NLRP13: variants seen among roughly 807,000 people sequenced by gnomAD.
NLRP13 encodes NACHT, LRR and PYD domains-containing protein 13.
In NLRP13, 82 loss-of-function variants were observed where a neutral mutation model predicts 94.4. That is an observed-to-expected ratio of 0.87 (90% CI 0.73 to 1.04). The LOEUF is 1.04. NLRP13 is among the 50% of genes least tolerant of loss of function. The pLI, the probability that NLRP13 is intolerant of heterozygous loss-of-function variation, is 0.00. For synonymous variants in NLRP13, 553 were observed against 464.7 expected (o/e 1.19, Z -2.45); for missense variants, 1,426 against 1,230.8 (o/e 1.16, Z -2.37).
At chr19:55,906,128 A>C (rs755803031) in intron 7 of NLRP13, among the ~76,000 whole-genome samples, 1 of 152,094 alleles carries the variant, frequency 6.6e-6, no homozygotes, top group Non-Finnish European at 1.5e-5. Context: ...ACCTGAGTTC[A>C]GGAGTTCGAG....
intron 1 of NLRP13, among the ~76,000 whole-genome samples, chr19:55,931,335 T>C (rs1481304314): frequency 1.3e-5 from 2 of 152,066 alleles, no homozygotes; most frequent in South Asian, 2.1e-4. Context: ...GGCAAAACCA[T>C]GCATAAGCTA....
chr19:55,915,781 C>A (rs1044848052), intron 4 of NLRP13, among the ~76,000 whole-genome samples: 1 of 152,112 alleles, frequency 6.6e-6, no homozygotes. Flanking sequence ...TTCACTCCCA[C>A]CCCTCCATGG....
intron 5 of NLRP13, 92 bp downstream of exon 5, chr19:55,911,614 C>G (rs545278485): frequency 4.0e-6 from 5 of 1,240,042 alleles, no homozygotes; most frequent in Non-Finnish European, 5.6e-6. Context: ...GAATACATAA[C>G]GACAACACAT....
chr19:55,920,147 A>G (rs1986783076), intron 4 of NLRP13, among the ~76,000 whole-genome samples: 1 of 152,160 alleles, frequency 6.6e-6, no homozygotes, highest in South Asian at 2.1e-4. Context: ...ATAAAACTGG[A>G]CCATATCTCT....
chr19:55,901,385 T>C (rs1421392177), intron 9 of NLRP13, among the ~76,000 whole-genome samples: 2 of 152,082 alleles, frequency 1.3e-5, no homozygotes, highest in East Asian at 1.9e-4. Flanking sequence ...TTTTCTTAGA[T>C]AATGTGGGCA....
rs761392659 is a variant in NLRP13 at position 55,912,401 on chromosome 19, T to G, written c.1416A>C (p.Ala472=). Residue 472 remains alanine (A), a synonymous_variant, in exon 5 of 11, where the codon GCA becomes GCC. Coordinates refer to ENST00000342929, the MANE Select transcript of NLRP13 (RefSeq NM_176810.2). ...TCCATTGTCCTGGCCAGCTGTCATC[T>G]GCCAAATCTACCTCTGCTGTGGAGA... ...NLFSTAEVDL[A]DDSWPGQWRA... 6.2e-7 allele frequency: 1 copy of G among 1,614,180 alleles called. No individual in the cohort carries two copies. Among genetic ancestry groups the G allele is most frequent in the South Asian group, 1.1e-5 (1 of 91,084 alleles).
rs1345500134 is a variant in NLRP13 at position 55,912,393 on chromosome 19, C to G, written c.1424G>C (p.Ser475Thr). 6.2e-7 allele frequency: 1 copy of G among 1,614,136 alleles called. No individual in the cohort carries two copies. Among genetic ancestry groups the G allele is most frequent in the African/African-American group, 1.3e-5 (1 of 75,034 alleles). ...GAGGGCCCTCCATTGTCCTGGCCAG[C>G]TGTCATCTGCCAAATCTACCTCTGC... is the stretch of plus-strand genomic sequence containing the variant. ...STAEVDLADD[S>T]WPGQWRALCS... The change falls in exon 5 of 11, where the codon AGC becomes ACC. Residue 475 changes from serine to threonine, a missense_variant. Transcript: ENST00000342929.
At chr19:55,893,606 C>T (rs144551677), downstream of NLRP13, among the ~76,000 whole-genome samples, 35 of 152,192 alleles carry the variant, frequency 2.3e-4, 1 homozygote, top group East Asian at 5.0e-3. Context: ...AGAAAAGGCA[C>T]AACCACAAAG....
At chr19:55,895,341 A>C (rs1414346441), downstream of NLRP13, among the ~76,000 whole-genome samples, 1 of 152,258 alleles carries the variant, frequency 6.6e-6, no homozygotes, top group East Asian at 1.9e-4. Flanking sequence ...AGATTGCGCC[A>C]CTGCACTCCA....
chr19:55,931,242 C>T (rs920675210), intron 1 of NLRP13, among the ~76,000 whole-genome samples: 2 of 152,026 alleles, frequency 1.3e-5, no homozygotes, highest in East Asian at 1.9e-4. Flanking sequence ...TACAATCCTA[C>T]ATGGCTCTGC....
At position 55,911,774 on chromosome 19, in the gene NLRP13, A is replaced by G. The variant is rs1339178546; in HGVS notation, c.2043T>C (p.Cys681=). 6.2e-7 allele frequency: 1 copy of G among 1,613,828 alleles called. No homozygotes were observed. Among genetic ancestry groups the G allele is most frequent in the African/African-American group, 1.3e-5 (1 of 74,928 alleles). ...LQASSFCLKH[C]KRLNKLRLSV... ...AAAGCCTTAGCTTATTTAACCTTTT[A>G]CAGTGCTTTAGGCAAAATGAAGAAG... Residue 681 remains cysteine, a synonymous_variant, in exon 5 of 11, where the codon TGT becomes TGC. Transcript: ENST00000342929.
chr19:55,913,008 C>T lies in NLRP13; in HGVS notation c.809G>A (p.Cys270Tyr). The T allele has an allele frequency of 6.2e-7, 1 of 1,614,154 alleles. No individual in the cohort carries two copies. The highest frequency in any genetic ancestry group is 1.1e-5 in the South Asian group (1 of 91,088). The change falls in exon 5 of 11, where the codon TGC (cysteine) becomes TAC (tyrosine). Residue 270 changes from cysteine to tyrosine, a missense_variant. Physicochemically the swap from Cys to Tyr is radical, Grantham distance 194. Coordinates refer to ENST00000342929, the MANE Select transcript of NLRP13 (RefSeq NM_176810.2). ...QRFSYVFYLS[C>Y]HKIRYMKETT... ...TTCCTTCATGTACCTTATTTTATGG[C>T]AGCTGAGATAGAAAACATAGGAGAA...
chr19:55,931,383 C>G (rs1445951482), intron 1 of NLRP13, among the ~76,000 whole-genome samples: 8 of 151,876 alleles, frequency 5.3e-5, no homozygotes, highest in Non-Finnish European at 1.2e-4. Flanking sequence ...GTTCCCAGTA[C>G]GACAATCACA....
chr19:55,895,831 G>T, downstream of NLRP13: 2 of 1,156,072 alleles, frequency 1.7e-6, no homozygotes, highest in Non-Finnish European at 2.5e-6. Flanking sequence ...AAGTTCCGTT[G>T]GCCTGCATGG....
At chr19:55,921,644 A>T (rs1986829477) in intron 4 of NLRP13, among the ~76,000 whole-genome samples, 1 of 152,202 alleles carries the variant, frequency 6.6e-6, no homozygotes, top group Non-Finnish European at 1.5e-5. Context: ...AGAAAAAGAG[A>T]TTAAGTTAAG....
At chr19:55,919,266 A>G (rs1271996015) in intron 4 of NLRP13, among the ~76,000 whole-genome samples, 1 of 152,158 alleles carries the variant, frequency 6.6e-6, no homozygotes, top group Non-Finnish European at 1.5e-5. Flanking sequence ...CCCACATTAT[A>G]CTGAATGGGA....
At chr19:55,905,431 A>G (rs1986313602) in intron 7 of NLRP13, among the ~76,000 whole-genome samples, 1 of 150,522 alleles carries the variant, frequency 6.6e-6, no homozygotes, top group Admixed American at 6.7e-5. Flanking sequence ...ATATATACAC[A>G]CACATATATA....
At chr19:55,922,024 G>A (rs306511) in intron 4 of NLRP13, among the ~76,000 whole-genome samples, 14 of 152,122 alleles carry the variant, frequency 9.2e-5, no homozygotes, top group African/African-American at 3.1e-4. Context: ...GGGAGGCCTC[G>A]CAATCATGGC....
chr19:55,913,134 G>A lies in NLRP13; in HGVS notation c.683C>T (p.Ala228Val). The A allele has an allele frequency of 6.2e-7, 1 of 1,614,122 alleles. No individual in the cohort carries two copies. Among genetic ancestry groups the A allele is most frequent in the Non-Finnish European group, 8.5e-7 (1 of 1,180,014 alleles). Reference protein sequence around the residue: ...LLDPNRTRAQAQTIVLVGRAG... With the variant: ...LLDPNRTRAQVQTIVLVGRAG... ...CCTCCCCACCAAGACTATCGTCTGG[G>A]CCTGGGCTCTAGTCCTATTAGGATC... Residue 228 changes from alanine to valine, a missense_variant, in exon 5 of 11, where the codon GCC becomes GTC. Physicochemically the swap from Ala to Val is moderately conservative, Grantham distance 64 (BLOSUM62 0). Transcript: ENST00000342929.
Sources: allele counts gnomAD v4.1 joint callset (sites outside exome capture counted in the v4.1 genomes callset), GRCh38; gene constraint gnomAD v4.1.1; transcripts MANE v1.5; gene names NCBI Gene and HGNC (gene_info 2026-07-23, HGNC 2026-07-21).